TNS1: variants seen among roughly 807,000 people sequenced by gnomAD.
The protein encoded by TNS1 is tensin-1.
A neutral mutation model predicts 168.6 loss-of-function variants in TNS1; 62 were observed. The observed-to-expected ratio is 0.37, with a 90% CI of 0.30 to 0.45. The LOEUF (loss-of-function observed/expected upper bound fraction) is 0.45. TNS1 is among the 20% of genes least tolerant of loss of function. TNS1 has a pLI of 1.00. For synonymous variants in TNS1, 934 were observed against 933.2 expected (o/e 1.00, Z -0.02); for missense variants, 2,240 against 2,339.4 (o/e 0.96, Z 0.88).
intron 3 of TNS1, among the ~76,000 whole-genome samples, chr2:217,975,714 A>T (rs1420943810): frequency 6.6e-6 from 1 of 152,208 alleles, no homozygotes; most frequent in African/African-American, 2.4e-5. Flanking sequence ...GTCATCTTTA[A>T]GCCCACTCCT....
chr2:218,026,370 C>T (rs1389120082), intron 1 of TNS1, among the ~76,000 whole-genome samples: 2 of 152,128 alleles, frequency 1.3e-5, no homozygotes, highest in East Asian at 1.9e-4. Context: ...AGAAAAGTGA[C>T]TTGAGGCTCC....
At chr2:218,022,303 C>T (rs913187935) in intron 1 of TNS1, among the ~76,000 whole-genome samples, 1 of 152,104 alleles carries the variant, frequency 6.6e-6, no homozygotes, top group South Asian at 2.1e-4. Flanking sequence ...TGGCCCCTAC[C>T]CCACCATGCC....
In TNS1 at chr2:217,847,656, G is replaced by T. The variant is rs1946841960; in HGVS notation, c.2861C>A (p.Pro954His). The T allele has an allele frequency of 6.3e-7, 1 of 1,591,838 alleles. No individual in the cohort carries two copies. The highest frequency in any genetic ancestry group is 1.3e-5 in the African/African-American group (1 of 74,740). The change falls in exon 19 of 33, where the codon CCT (proline) becomes CAT (histidine). Residue 954 changes from proline (P) to histidine (H), a missense_variant. Pro to His is a moderately conservative substitution (Grantham distance 77). Around this residue, in one of 2 missense-constraint regions of TNS1, gnomAD observed 2,131 missense variants for 2,171.2 expected, o/e 0.98. Transcript: ENST00000682258. ...LPAFLPTTHS[P>H]PGPQQPPASL... ...GGCTGGGGGTTGCTGAGGCCCTGGAGGGCTGTGGGTGGTCGGAAGGAAGGC... is the reference window on the plus strand; with the variant it reads ...GGCTGGGGGTTGCTGAGGCCCTGGATGGCTGTGGGTGGTCGGAAGGAAGGC...
chr2:217,844,851 G>A (rs2125402272), intron 19 of TNS1, among the ~76,000 whole-genome samples: 1 of 152,282 alleles, frequency 6.6e-6, no homozygotes, highest in South Asian at 2.1e-4. Flanking sequence ...CAGAATCAGG[G>A]ACATAAGATA....
At chr2:217,926,041 G>C (rs764261806) in intron 3 of TNS1, among the ~76,000 whole-genome samples, 1 of 152,124 alleles carries the variant, frequency 6.6e-6, no homozygotes, top group Non-Finnish European at 1.5e-5. Context: ...GTTAAAATGA[G>C]GCCCTAATCC....
At chr2:217,805,584 A>AC (rs1938688468) in intron 32 of TNS1, among the ~76,000 whole-genome samples, 10 of 3,342 alleles carry the variant, frequency 3.0e-3, no homozygotes, top group Non-Finnish European at 4.2e-3. Flanking sequence ...CCACACACAC[A>AC]ACACACACCA....
chr2:217,893,113 G>T, intron 10 of TNS1, 101 bp from the exon 11 acceptor site: 1 of 1,424,160 alleles, frequency 7.0e-7, no homozygotes, highest in Non-Finnish European at 9.8e-7. Context: ...GGGCTGGAGA[G>T]AGGGGTGTGG....
At chr2:217,895,093 A>C in intron 8 of TNS1, 37 bp from the exon 9 acceptor site, 1 of 1,588,086 alleles carries the variant, frequency 6.3e-7, no homozygotes, top group South Asian at 1.1e-5. Flanking sequence ...TGAGGAGGTG[A>C]GGGTGAGGAG....
chr2:217,931,645 G>A (rs554918420), intron 3 of TNS1, among the ~76,000 whole-genome samples: 9 of 152,268 alleles, frequency 5.9e-5, no homozygotes, highest in Non-Finnish European at 8.8e-5. Flanking sequence ...AACACCTGTA[G>A]AATTACTTGC....
At chr2:217,863,329 T>G (rs1293827934) in intron 18 of TNS1, among the ~76,000 whole-genome samples, 2 of 152,098 alleles carry the variant, frequency 1.3e-5, no homozygotes, top group Non-Finnish European at 1.5e-5. Context: ...CCAGGGAATG[T>G]GTGACAATAC....
chr2:217,883,656 A>G (rs566102291), intron 16 of TNS1, among the ~76,000 whole-genome samples: 1 of 152,272 alleles, frequency 6.6e-6, no homozygotes, highest in East Asian at 1.9e-4. Flanking sequence ...CCTTCTCTCA[A>G]CTTCTGCCCA....
At chr2:217,996,174 G>A (rs1329494474) in intron 1 of TNS1, among the ~76,000 whole-genome samples, 5 of 152,188 alleles carry the variant, frequency 3.3e-5, no homozygotes, top group African/African-American at 4.8e-5. Flanking sequence ...CTCCCTCAGC[G>A]CTGCCTCCCA....
At chr2:218,012,369 TGA>T (rs1323475108), upstream of TNS1, among the ~76,000 whole-genome samples, 1 of 152,160 alleles carries the variant, frequency 6.6e-6, no homozygotes, top group Non-Finnish European at 1.5e-5. Flanking sequence ...CACTTGGGCA[TGA>T]GAGACACTCA....
At chr2:217,997,591 G>A (rs1958493848) in intron 1 of TNS1, among the ~76,000 whole-genome samples, 1 of 152,190 alleles carries the variant, frequency 6.6e-6, no homozygotes, top group Admixed American at 6.5e-5. Context: ...GCTTTTCCCA[G>A]TCGCTCTTTC....
At chr2:217,808,219 A>ATTCCCCCC in intron 31 of TNS1, 112 bp from the exon 32 acceptor site, 1 of 1,173,494 alleles carries the variant, frequency 8.5e-7, no homozygotes, top group Non-Finnish European at 1.2e-6. Context: ...GCTGCCCCCC[A>ATTCCCCCC]TTCCCCCCTC....
intron 22 of TNS1, among the ~76,000 whole-genome samples, chr2:217,822,926 C>T (rs1162611663): frequency 6.6e-6 from 1 of 152,184 alleles, no homozygotes; most frequent in East Asian, 1.9e-4. Context: ...CCTACCACCT[C>T]CAAATCCCAC....
Position 217,848,772 on chromosome 2 carries a change from A to G in TNS1, c.1745T>C (p.Met582Thr), listed in dbSNP as rs556582105. 12 of 1,614,152 alleles carry G rather than the reference A, an allele frequency of 7.4e-6. No homozygotes were observed. The highest frequency in any genetic ancestry group is 4.0e-5 in the African/African-American group (3 of 75,026). ...FGLEREKQGA[M>T]YHTQHLRSRP... ...GGACCTGAGGTGCTGGGTGTGGTAC[A>G]TGGCGCCTTGCTTCTCTCGCTCTAA... Residue 582 changes from methionine to threonine, a missense_variant, in exon 19 of 33, where the codon ATG becomes ACG. Met to Thr is a moderately conservative substitution (Grantham distance 81). Transcript: ENST00000682258.
rs199947491 is a variant in TNS1 at position 217,818,226 on chromosome 2, G to A, written c.4106C>T (p.Thr1369Ile). The change falls in exon 24 of 33, where the codon ACC becomes ATC. Residue 1369 changes from threonine to isoleucine, a missense_variant. By Grantham distance (89) the Thr-to-Ile change is moderately conservative. Around this residue, in one of 2 missense-constraint regions of TNS1, gnomAD observed 2,131 missense variants for 2,171.2 expected, o/e 0.98. Transcript: ENST00000682258. Reference protein sequence around the residue: ...QVSGLHNKVATTPGSPSLGRH... With the variant: ...QVSGLHNKVAITPGSPSLGRH... ...GCCCAGGCTGGGACTCCCCGGGGTG[G>A]TGGCCACTTTGTTGTGGAGGCCAGA... 15 of 1,613,942 alleles carry A rather than the reference G, an allele frequency of 9.3e-6. No individual in the cohort carries two copies. Among genetic ancestry groups the A allele is most frequent in the African/African-American group, 4.0e-5 (3 of 75,040 alleles).
At chr2:217,955,764 G>A (rs543220634) in intron 3 of TNS1, among the ~76,000 whole-genome samples, 13 of 152,284 alleles carry the variant, frequency 8.5e-5, no homozygotes, top group African/African-American at 3.1e-4. Flanking sequence ...CTAAGCCAGG[G>A]GTCTGTCCAT....
Sources: allele counts gnomAD v4.1 joint callset (sites outside exome capture counted in the v4.1 genomes callset), GRCh38; gene constraint gnomAD v4.1.1; regional missense constraint gnomAD v4.1.1; transcripts MANE v1.5; gene names NCBI Gene and HGNC (gene_info 2026-07-23, HGNC 2026-07-21).